GNAO1: variants seen among roughly 807,000 people sequenced by gnomAD.
GNAO1 encodes the protein G protein subunit alpha o1, also known as guanine nucleotide-binding protein G(o) subunit alpha.
For missense variants in GNAO1, 166 were observed against 478.7 expected, an observed-to-expected ratio of 0.35 and a Z score of 6.10; for synonymous variants, 164 against 180.7, an observed-to-expected ratio of 0.91 and a Z score of 0.74.
chr16:56,213,468 G>A (rs1002002277), intron 2 of GNAO1: 31 of 396,092 alleles, frequency 7.8e-5, no homozygotes, highest in Non-Finnish European at 1.2e-4. Context: ...CAGGCAAGGG[G>A]CATGAGCGGG....
chr16:56,244,056 C>T (rs550825140), intron 2 of GNAO1, among the ~76,000 whole-genome samples: 10 of 152,276 alleles, frequency 6.6e-5, no homozygotes, highest in Non-Finnish European at 1.3e-4. Flanking sequence ...GCTGGTACAG[C>T]GGAGGCAGAA....
At chr16:56,312,308 G>A (rs1384208555) in intron 3 of GNAO1, among the ~76,000 whole-genome samples, 2 of 152,198 alleles carry the variant, frequency 1.3e-5, no homozygotes, top group Admixed American at 1.3e-4. Context: ...GTATAAAATG[G>A]GGGAAACGAT....
At chr16:56,194,121 A>AT (rs1184146006) in intron 2 of GNAO1, 22 of 456,468 alleles carry the variant, frequency 4.8e-5, no homozygotes, top group African/African-American at 4.2e-4. Context: ...CTCGGAGACA[A>AT]TTTTCCCATC....
chr16:56,318,290 C>A (rs576370183), intron 3 of GNAO1, among the ~76,000 whole-genome samples: 14 of 152,222 alleles, frequency 9.2e-5, no homozygotes, highest in Non-Finnish European at 1.8e-4. Flanking sequence ...TTACTAAGTA[C>A]CCAGAATTCT....
At chr16:56,266,023 A>G (rs2036950102) in intron 2 of GNAO1, among the ~76,000 whole-genome samples, 1 of 152,066 alleles carries the variant, frequency 6.6e-6, no homozygotes, top group Non-Finnish European at 1.5e-5. Context: ...TGCAAGGCCC[A>G]CTTCTTATCA....
chr16:56,303,137 C>T (rs2037361375), intron 3 of GNAO1, among the ~76,000 whole-genome samples: 1 of 152,220 alleles, frequency 6.6e-6, no homozygotes, highest in African/African-American at 2.4e-5. Context: ...CAGCTTTTGA[C>T]TGCTCGTTCT....
chr16:56,276,087 C>A lies in GNAO1; in HGVS notation c.303+15C>A. On this transcript the variant is annotated intron_variant, in intron 3 of 8. Transcript: ENST00000262493. ...AGGAGAGAAAGGTAGGCCCCTGAGCCCATAAGCACAGCAACAAGAGGTTCT... is the reference window on the plus strand; with the variant it reads ...AGGAGAGAAAGGTAGGCCCCTGAGCACATAAGCACAGCAACAAGAGGTTCT... 1 of 1,607,472 alleles carries A rather than the reference C, an allele frequency of 6.2e-7. No individual in the cohort carries two copies. Among genetic ancestry groups the A allele is most frequent in the South Asian group, 1.1e-5 (1 of 90,080 alleles).
At chr16:56,329,744 G>T (rs1265113317) in intron 4 of GNAO1, among the ~76,000 whole-genome samples, 1 of 152,212 alleles carries the variant, frequency 6.6e-6, no homozygotes, top group East Asian at 1.9e-4. Flanking sequence ...GGAAGATTCT[G>T]ACATGATCCA....
chr16:56,227,394 A>G (rs2036541563), intron 2 of GNAO1, among the ~76,000 whole-genome samples: 1 of 152,126 alleles, frequency 6.6e-6, no homozygotes, highest in Non-Finnish European at 1.5e-5. Context: ...TCAGGGAGTG[A>G]GCACCTGGTT....
chr16:56,219,799 T>G (rs2143360313), intron 2 of GNAO1, among the ~76,000 whole-genome samples: 1 of 152,176 alleles, frequency 6.6e-6, no homozygotes, highest in East Asian at 1.9e-4. Context: ...AAATAGCCCT[T>G]GAGAGAGAAG....
chr16:56,232,014 A>T (rs2036592903), intron 2 of GNAO1, among the ~76,000 whole-genome samples: 1 of 152,112 alleles, frequency 6.6e-6, no homozygotes, highest in African/African-American at 2.4e-5. Flanking sequence ...AGACCATCTG[A>T]TCCATTCCCA....
chr16:56,256,712 C>G (rs866093642), intron 2 of GNAO1, among the ~76,000 whole-genome samples: 189 of 115,936 alleles, frequency 1.6e-3, no homozygotes, highest in African/African-American at 5.3e-3. Context: ...CTCTCTCTCT[C>G]TCTCTCTGTG....
At chr16:56,316,330 A>T (rs2037509139) in intron 3 of GNAO1, among the ~76,000 whole-genome samples, 1 of 152,170 alleles carries the variant, frequency 6.6e-6, no homozygotes, top group African/African-American at 2.4e-5. Flanking sequence ...CTGCCCCAGG[A>T]TGGACACTGG....
chr16:56,206,196 T>C (rs1214839569), intron 2 of GNAO1, among the ~76,000 whole-genome samples: 1 of 151,980 alleles, frequency 6.6e-6, no homozygotes, highest in Non-Finnish European at 1.5e-5. Flanking sequence ...GGTGGGCGAC[T>C]GTAGTCACAG....
intron 3 of GNAO1, among the ~76,000 whole-genome samples, chr16:56,317,240 G>A (rs2037520738): frequency 6.6e-6 from 1 of 152,200 alleles, no homozygotes; most frequent in African/African-American, 2.4e-5. Flanking sequence ...AACCCAGGTG[G>A]GGACTTCAGG....
At chr16:56,269,140 C>T (rs1035296007) in intron 2 of GNAO1, among the ~76,000 whole-genome samples, 1 of 152,228 alleles carries the variant, frequency 6.6e-6, no homozygotes, top group Non-Finnish European at 1.5e-5. Context: ...AAGACAGCCT[C>T]AAATCAGGAA....
chr16:56,346,165 C>T (rs754222717), intron 6 of GNAO1: 12 of 985,398 alleles, frequency 1.2e-5, no homozygotes, highest in Non-Finnish European at 1.4e-5. Flanking sequence ...GGTCCTTGGT[C>T]CTCAGGGGTA....
chr16:56,335,760 C>T (rs1455390336), intron 5 of GNAO1, among the ~76,000 whole-genome samples: 1 of 152,228 alleles, frequency 6.6e-6, no homozygotes, highest in Admixed American at 6.5e-5. Context: ...CTCAGCTCAA[C>T]CCAGCCCAGC....
At chr16:56,218,821 G>A (rs936290032) in intron 2 of GNAO1, among the ~76,000 whole-genome samples, 5 of 152,174 alleles carry the variant, frequency 3.3e-5, no homozygotes, top group African/African-American at 7.2e-5. Context: ...GCTACTCACA[G>A]CCCATGCCTC....
Sources: allele counts gnomAD v4.1 joint callset (sites outside exome capture counted in the v4.1 genomes callset), GRCh38; gene constraint gnomAD v4.1.1; transcripts MANE v1.5; gene names NCBI Gene and HGNC (gene_info 2026-07-23, HGNC 2026-07-21).